Variants in ZSCAN18 observed in about 807,000 individuals in gnomAD.
ZSCAN18 encodes zinc finger and SCAN domain-containing protein 18.
Under a neutral mutation model 31.1 loss-of-function variants are expected in ZSCAN18, and 16 were observed. The ratio of observed to expected loss-of-function variants is 0.51; its 90% CI spans 0.35 to 0.78. The LOEUF is 0.78. Ranked by LOEUF, ZSCAN18 falls within the 30% of genes least tolerant of loss-of-function variation. The probability of loss-of-function intolerance (pLI) is 0.01; values close to 1 mark genes in which losing one functional copy is unlikely to be tolerated. For synonymous variants in ZSCAN18, 375 were observed against 320.7 expected, an observed-to-expected ratio of 1.17 and a Z score of -1.81; for missense variants, 731 against 697.4, an observed-to-expected ratio of 1.05 and a Z score of -0.54.
intron 1 of ZSCAN18, among the ~76,000 whole-genome samples, chr19:58,097,762 C>T (rs1325448057): frequency 9.2e-6 from 1 of 109,286 alleles, no homozygotes; most frequent in African/African-American, 3.5e-5. Flanking sequence ...CCCTTTTCGC[C>T]CCCCTCAGGA....
intron 1 of ZSCAN18, chr19:58,108,889 C>T (rs2074656836): frequency 9.9e-7 from 1 of 1,013,632 alleles, no homozygotes; most frequent in Non-Finnish European, 1.2e-6. Context: ...AGGTTGTCCA[C>T]CCTGGCTGAT....
intron 1 of ZSCAN18, among the ~76,000 whole-genome samples, chr19:58,117,595 G>A (rs2074740775): frequency 6.6e-6 from 1 of 152,024 alleles, no homozygotes; most frequent in Non-Finnish European, 1.5e-5. Flanking sequence ...ACGGGAAGCA[G>A]AATAGGTTGT....
chr19:58,095,766 G>T (rs981794651), intron 1 of ZSCAN18, among the ~76,000 whole-genome samples: 1 of 152,174 alleles, frequency 6.6e-6, no homozygotes, highest in Non-Finnish European at 1.5e-5. Flanking sequence ...CCTCGCCTCT[G>T]TGCCCTTCCC....
Position 58,084,752 on chromosome 19 carries a change from C to A in ZSCAN18, c.1466G>T (p.Arg489Met). The A allele has an allele frequency of 6.4e-7, 1 of 1,562,198 alleles. No individual in the cohort carries two copies. Among genetic ancestry groups the A allele is most frequent in the Non-Finnish European group, 8.6e-7 (1 of 1,162,718 alleles). The change falls in exon 7 of 7, where the codon AGG becomes ATG. Residue 489 changes from arginine (R) to methionine (M), a missense_variant. Transcript: ENST00000601144. This position sits in a 1 kb window ranked among gnomAD's most constrained non-coding sequence, Gnocchi z 4.5. ...CACGCTCTCTGGGGGACCGCCCGCCCTAGCCCCCGCCTGGGCTTCGCGGGT... is the reference window on the plus strand; with the variant it reads ...CACGCTCTCTGGGGGACCGCCCGCCATAGCCCCCGCCTGGGCTTCGCGGGT... Reference protein sequence around the residue: ...PSTREAQAGARAGGPPESVEG... With the variant: ...PSTREAQAGAMAGGPPESVEG...
Position 58,088,731 on chromosome 19 carries a change from G to C in ZSCAN18, c.510C>G (p.Ser170Arg), listed in dbSNP as rs1248202465. The C allele has an allele frequency of 3.1e-6, 5 of 1,607,634 alleles. No individual in the cohort carries two copies. In the African/African-American group the frequency reaches 6.7e-5, roughly 21 times the overall value. The change falls in exon 3 of 7, where the codon AGC becomes AGG. Residue 170 changes from serine to arginine, a missense_variant. This residue lies in a region of ZSCAN18 where 597 missense variants were observed against 499.5 expected (regional missense o/e 1.20). Coordinates refer to ENST00000601144, the MANE Select transcript of ZSCAN18 (RefSeq NM_001145543.2). ...GGATCTCCCCAGCTCCAAGGGCCTG[G>C]CTGGGGCTCGCGAGCTCGCCTGGTA... Reference protein sequence around the residue: ...LLLPGELASPSQALGAGEIPA... With the variant: ...LLLPGELASPRQALGAGEIPA...
chr19:58,084,600 A>G lies in ZSCAN18; in HGVS notation c.*85T>C. The G allele has an allele frequency of 7.6e-7, 1 of 1,323,286 alleles. No homozygotes were observed. 82.0% of individuals were successfully genotyped at this position (1,323,286 alleles called of 1,614,324 possible). A position where few individuals can be genotyped will look rare whatever the true frequency, so the allele number is the denominator to read the frequency against. On this transcript the variant is annotated 3_prime_UTR_variant, in exon 7 of 7. Transcript: ENST00000601144. The surrounding 1 kb of genome is among the most constrained non-coding windows in gnomAD (Gnocchi z 4.5). Reference sequence around the variant, plus strand: ...TCCACAAACACCACAGGAAGCCGCCACCCAGGGGCGTGGAAAGGCCCAATG... The same window carrying G: ...TCCACAAACACCACAGGAAGCCGCCGCCCAGGGGCGTGGAAAGGCCCAATG...
chr19:58,098,255 C>T (rs914780333), upstream of ZSCAN18: 4 of 985,524 alleles, frequency 4.1e-6, no homozygotes, highest in African/African-American at 5.2e-5. Flanking sequence ...CGCCTGCGCA[C>T]TGGGCCTCAC....
At chr19:58,111,002 A>G (rs1224851195) in intron 1 of ZSCAN18, among the ~76,000 whole-genome samples, 4 of 152,052 alleles carry the variant, frequency 2.6e-5, no homozygotes, top group African/African-American at 9.7e-5. Context: ...CCCCATCTCT[A>G]CTAAAAATAC....
chr19:58,097,561 C>T (rs1395354802), intron 1 of ZSCAN18, among the ~76,000 whole-genome samples: 2 of 147,784 alleles, frequency 1.4e-5, no homozygotes, highest in Non-Finnish European at 3.1e-5. Context: ...AATGCCCATT[C>T]TAGGCACCCC....
At chr19:58,107,242 G>A (rs1214461725) in intron 1 of ZSCAN18, among the ~76,000 whole-genome samples, 2 of 152,038 alleles carry the variant, frequency 1.3e-5, no homozygotes, top group Non-Finnish European at 2.9e-5. Context: ...TTCTGAGGAA[G>A]TCTCAACAGT....
At chr19:58,110,097 C>A (rs574192529) in intron 1 of ZSCAN18, among the ~76,000 whole-genome samples, 2 of 152,216 alleles carry the variant, frequency 1.3e-5, no homozygotes, top group East Asian at 3.9e-4. Flanking sequence ...CCAGGCTGGT[C>A]TCAAACTCCT....
chr19:58,084,556 A>T lies in ZSCAN18; in HGVS notation c.*129T>A. ...AGCGCTTAGCCTCAGGAGCGGATTCAGGGCACAGGCAGAGGACGTCCACAA... is the reference window on the plus strand; with the variant it reads ...AGCGCTTAGCCTCAGGAGCGGATTCTGGGCACAGGCAGAGGACGTCCACAA... On this transcript the variant is annotated 3_prime_UTR_variant, in exon 7 of 7. Coordinates refer to ENST00000601144, the MANE Select transcript of ZSCAN18 (RefSeq NM_001145543.2). The surrounding 1 kb of genome is among the most constrained non-coding windows in gnomAD (Gnocchi z 4.5). 1.1e-6 allele frequency: 1 copy of T among 926,796 alleles called. No individual in the cohort carries two copies. The highest frequency in any genetic ancestry group is 1.5e-6 in the Non-Finnish European group (1 of 664,446). 57.4% of individuals were successfully genotyped at this position (926,796 alleles called of 1,614,324 possible). A position where few individuals can be genotyped will look rare whatever the true frequency, so the allele number is the denominator to read the frequency against.
At chr19:58,100,637 C>A (rs1011563537), upstream of ZSCAN18, among the ~76,000 whole-genome samples, 6 of 151,944 alleles carry the variant, frequency 3.9e-5, no homozygotes, top group African/African-American at 1.4e-4. Flanking sequence ...GGGCCAGGCG[C>A]GGTGGCTCAT....
At chr19:58,111,167 C>A (rs1373390806) in intron 1 of ZSCAN18, among the ~76,000 whole-genome samples, 1 of 148,308 alleles carries the variant, frequency 6.7e-6, no homozygotes. Context: ...GACTCCGTCT[C>A]AAAAAAAAAA....
chr19:58,114,974 C>A (rs956106598), intron 1 of ZSCAN18, among the ~76,000 whole-genome samples: 1 of 152,136 alleles, frequency 6.6e-6, no homozygotes, highest in African/African-American at 2.4e-5. Flanking sequence ...ATGATGCTAG[C>A]GCTAGAAGCT....
upstream of ZSCAN18, among the ~76,000 whole-genome samples, chr19:58,100,700 T>C (rs1329175482): frequency 2.7e-5 from 1 of 36,962 alleles, no homozygotes; most frequent in Non-Finnish European, 1.2e-4. Context: ...GAGGTCAACA[T>C]GGTGAAACCC....
Position 58,085,133 on chromosome 19 carries a change from C to T in ZSCAN18, c.1085G>A (p.Arg362Lys). ...QSVIQQPAPD[R>K]GTAKLGTKRP... ...CTTGGTTCCCAGTTTCGCCGTGCCC[C>T]TGTCCGGGGCAGGCTGCTGGATGAC... is the stretch of plus-strand genomic sequence containing the variant. Residue 362 changes from arginine to lysine, a missense_variant, in exon 7 of 7, where the codon AGG (arginine) becomes AAG (lysine). Physicochemically the swap from Arg to Lys is conservative, Grantham distance 26 (BLOSUM62 2). Coordinates refer to ENST00000601144, the MANE Select transcript of ZSCAN18 (RefSeq NM_001145543.2). The T allele has an allele frequency of 6.2e-7, 1 of 1,609,192 alleles. No individual in the cohort carries two copies. Among genetic ancestry groups the T allele is most frequent in the Admixed American group, 1.7e-5 (1 of 59,528 alleles).
intron 1 of ZSCAN18, among the ~76,000 whole-genome samples, chr19:58,107,269 G>A (rs2146023191): frequency 6.6e-6 from 1 of 152,050 alleles, no homozygotes; most frequent in Non-Finnish European, 1.5e-5. Flanking sequence ...AAAATATTCA[G>A]CACAGGCCGG....
At position 58,086,165 on chromosome 19, in the gene ZSCAN18, C is replaced by G. The variant is rs2074275884; in HGVS notation, c.838+9G>C. ...ACCCGGCCCTAACACCAATTCAACC[C>G]AACCTCACCTGGGAGGCTGCTTCCT... On this transcript the variant is annotated intron_variant, in intron 6 of 6. Coordinates refer to ENST00000601144, the MANE Select transcript of ZSCAN18 (RefSeq NM_001145543.2). The G allele has an allele frequency of 6.2e-7, 1 of 1,613,820 alleles. No individual in the cohort carries two copies. Among genetic ancestry groups the G allele is most frequent in the African/African-American group, 1.3e-5 (1 of 74,942 alleles).
Sources: allele counts gnomAD v4.1 joint callset (sites outside exome capture counted in the v4.1 genomes callset), GRCh38; gene constraint gnomAD v4.1.1; regional missense constraint gnomAD v4.1.1; non-coding constraint Gnocchi (gnomAD v3.1); transcripts MANE v1.5; gene names NCBI Gene and HGNC (gene_info 2026-07-23, HGNC 2026-07-21).